The following ARB2A variants were observed in gnomAD, a reference collection of about 807,000 sequenced individuals.
ARB2A encodes the protein ARB2 cotranscriptional regulator A.
At chr5:93,837,780 C>T in the ARB2A span, among the ~76,000 whole-genome samples, 17 of 152,084 alleles carry the variant, frequency 1.1e-4, no homozygotes, top group South Asian at 3.1e-3. Flanking sequence ...TGCATTTTTT[C>T]GTATGCTTGT....
the ARB2A span, chr5:93,741,524 G>T: frequency 3.1e-6 from 5 of 1,600,100 alleles, no homozygotes; most frequent in Admixed American, 1.7e-5. Context: ...CCACTGCCTG[G>T]AAGGGGGCAG....
chr5:93,911,394 C>T, the ARB2A span, among the ~76,000 whole-genome samples: 2 of 151,486 alleles, frequency 1.3e-5, no homozygotes, highest in Non-Finnish European at 3.0e-5. Flanking sequence ...TTGGATTATT[C>T]TCTTGAGATA....
chr5:93,996,615 A>G, the ARB2A span, among the ~76,000 whole-genome samples: 1 of 152,084 alleles, frequency 6.6e-6, no homozygotes, highest in Non-Finnish European at 1.5e-5. Context: ...TTCTATAATC[A>G]TTATCTCCAA....
At chr5:93,991,847 T>C in the ARB2A span, among the ~76,000 whole-genome samples, 1 of 151,862 alleles carries the variant, frequency 6.6e-6, no homozygotes, top group Non-Finnish European at 1.5e-5. Context: ...AAAGATAAAA[T>C]ATTTGAAGAT....
chr5:93,908,207 T>G, the ARB2A span, among the ~76,000 whole-genome samples: 4 of 151,092 alleles, frequency 2.6e-5, no homozygotes, highest in Admixed American at 2.6e-4. Flanking sequence ...AATAGAAAAT[T>G]AGGCTATTAT....
chr5:93,841,770 T>C, the ARB2A span, among the ~76,000 whole-genome samples: 1 of 152,222 alleles, frequency 6.6e-6, no homozygotes, highest in East Asian at 1.9e-4. Flanking sequence ...CGAGTATTGC[T>C]ATTCTTTATA....
At chr5:94,060,380 G>A in the ARB2A span, among the ~76,000 whole-genome samples, 1 of 152,058 alleles carries the variant, frequency 6.6e-6, no homozygotes, top group Non-Finnish European at 1.5e-5. Context: ...GGGAATATTA[G>A]TGACAACCCT....
At chr5:93,836,896 A>T in the ARB2A span, among the ~76,000 whole-genome samples, 3 of 152,204 alleles carry the variant, frequency 2.0e-5, no homozygotes, top group Non-Finnish European at 2.9e-5. Context: ...AGACAAAAAA[A>T]AGTCTATAAG....
At chr5:93,999,042 T>C in the ARB2A span, among the ~76,000 whole-genome samples, 1 of 152,084 alleles carries the variant, frequency 6.6e-6, no homozygotes, top group Admixed American at 6.6e-5. Context: ...TCCCCTAAAG[T>C]TAACATACTT....
chr5:93,717,982 G>A, the ARB2A span, among the ~76,000 whole-genome samples: 26 of 151,724 alleles, frequency 1.7e-4, no homozygotes, highest in Admixed American at 3.3e-4. Flanking sequence ...TTACAGGTGC[G>A]CACCACCATG....
chr5:93,832,367 C>T, the ARB2A span, among the ~76,000 whole-genome samples: 2 of 152,230 alleles, frequency 1.3e-5, no homozygotes, highest in South Asian at 2.1e-4. Context: ...CTAAGAGTCA[C>T]TACTCTTAGG....
chr5:94,011,880 A>AT, the ARB2A span, among the ~76,000 whole-genome samples: 15 of 137,292 alleles, frequency 1.1e-4, no homozygotes, highest in East Asian at 2.3e-4. Flanking sequence ...GGACAGAGTG[A>AT]TTTAAAAAAA....
chr5:93,725,900 T>G, the ARB2A span, among the ~76,000 whole-genome samples: 1 of 152,016 alleles, frequency 6.6e-6, no homozygotes, highest in Non-Finnish European at 1.5e-5. Flanking sequence ...TATAGGTAGG[T>G]GGATAAGGGG....
At chr5:94,027,423 G>A in the ARB2A span, among the ~76,000 whole-genome samples, 3 of 152,304 alleles carry the variant, frequency 2.0e-5, no homozygotes, top group South Asian at 6.2e-4. Flanking sequence ...AGGGGCTGAA[G>A]GATAAGTTGA....
chr5:93,827,403 A>G, the ARB2A span, among the ~76,000 whole-genome samples: 1 of 152,130 alleles, frequency 6.6e-6, no homozygotes, highest in Non-Finnish European at 1.5e-5. Context: ...TCTTTTGAGA[A>G]GTGTCTGTTC....
the ARB2A span, among the ~76,000 whole-genome samples, chr5:93,754,540 A>G: frequency 2.0e-5 from 3 of 152,212 alleles, no homozygotes; most frequent in African/African-American, 7.2e-5. Flanking sequence ...GGTAGAACCA[A>G]TCTAGCAAAG....
the ARB2A span, among the ~76,000 whole-genome samples, chr5:94,052,908 GTTAC>G: frequency 6.6e-6 from 1 of 152,232 alleles, no homozygotes; most frequent in East Asian, 1.9e-4. Context: ...ACAGAAAATT[GTTAC>G]TTGTTACTTG....
At chr5:93,756,412 G>C in the ARB2A span, among the ~76,000 whole-genome samples, 8 of 152,188 alleles carry the variant, frequency 5.3e-5, no homozygotes, top group Non-Finnish European at 1.0e-4. Context: ...CTGGCAGGAG[G>C]CCAACCAGCA....
the ARB2A span, among the ~76,000 whole-genome samples, chr5:94,027,563 T>A: frequency 6.6e-6 from 1 of 152,164 alleles, no homozygotes; most frequent in African/African-American, 2.4e-5. Flanking sequence ...GGAGAGCTTC[T>A]GAATAGTTAA....
Sources: allele counts gnomAD v4.1 joint callset (sites outside exome capture counted in the v4.1 genomes callset), GRCh38; gene constraint gnomAD v4.1.1; transcripts MANE v1.5; gene names NCBI Gene and HGNC (gene_info 2026-07-23, HGNC 2026-07-21).